C17orf75: variants seen among roughly 807,000 people sequenced by gnomAD.
C17orf75 encodes the protein protein Njmu-R1.
C17orf75 carries 32 observed loss-of-function variants against 49.6 expected under a neutral mutation model. The observed-to-expected ratio is 0.65, with a 90% CI of 0.49 to 0.87. The LOEUF (loss-of-function observed/expected upper bound fraction) is 0.87. Among genes scored for constraint, C17orf75 ranks in the 40% least tolerant of loss-of-function variants. The probability of loss-of-function intolerance (pLI) is 0.00; values close to 1 mark genes in which losing one functional copy is unlikely to be tolerated. For missense variants in C17orf75, 428 were observed against 473.9 expected, an observed-to-expected ratio of 0.90 and a Z score of 0.90; for synonymous variants, 158 against 159.5, an observed-to-expected ratio of 0.99 and a Z score of 0.07.
chr17:32,334,937 G>T, intron 6 of C17orf75, 98 bp from the exon 7 acceptor site: 1 of 938,682 alleles, frequency 1.1e-6, no homozygotes, highest in Non-Finnish European at 1.6e-6. Flanking sequence ...TACCACACTG[G>T]ACAACAATTG....
chr17:32,343,741 A>C, upstream of C17orf75: 1 of 611,864 alleles, frequency 1.6e-6, no homozygotes, highest in East Asian at 2.8e-5. Flanking sequence ...CAGTTTCCTT[A>C]TCTCTCATTT....
chr17:32,337,665 C>T (rs2041339061), intron 5 of C17orf75, among the ~76,000 whole-genome samples: 1 of 152,048 alleles, frequency 6.6e-6, no homozygotes, highest in Non-Finnish European at 1.5e-5. Flanking sequence ...CCTCTGCCTC[C>T]CGGGTTCAAG....
In C17orf75 at chr17:32,329,845, C is replaced by G. The variant is rs757333321; in HGVS notation, c.*1918G>C. 1 of 152,096 alleles carries G rather than the reference C, an allele frequency of 6.6e-6. No homozygotes were observed. Among genetic ancestry groups the G allele is most frequent in the Non-Finnish European group, 1.5e-5 (1 of 68,010 alleles). The allele number at this position is 152,096 out of a possible 1,614,324, so 9.4% of individuals were successfully genotyped here. A position where few individuals can be genotyped will look rare whatever the true frequency, so the allele number is the denominator to read the frequency against. On this transcript the variant is annotated 3_prime_UTR_variant, in exon 10 of 10. Transcript: ENST00000577809. ...AAATTGCTGGTTTTCCTTAGTCACCCTGACTTTATTTTTTTGAGACAGAGT... is the reference window on the plus strand; with the variant it reads ...AAATTGCTGGTTTTCCTTAGTCACCGTGACTTTATTTTTTTGAGACAGAGT...
Position 32,337,982 on chromosome 17 carries a change from T to C in C17orf75, c.492-28A>G, listed in dbSNP as rs762685761. On this transcript the variant is annotated intron_variant, in intron 4 of 9. Transcript: ENST00000577809. ...ATGTTCTTAAGGAAGCAATAAAGGA[T>C]GAATAATGAAGACAGTATTTCATCT... The C allele has an allele frequency of 1.4e-5, 22 of 1,578,210 alleles. No individual in the cohort carries two copies. The Admixed American group carries it at 1.8e-4, about 13-fold the overall frequency.
upstream of C17orf75, chr17:32,344,129 C>T (rs981378846): frequency 1.8e-6 from 1 of 543,672 alleles, no homozygotes; most frequent in African/African-American, 1.9e-5. Flanking sequence ...CTTCATTTGC[C>T]CAGACTGAAA....
At chr17:32,340,027 CTCTTT>C in intron 2 of C17orf75, 89 bp from the exon 3 acceptor site, 1 of 1,498,320 alleles carries the variant, frequency 6.7e-7, no homozygotes, top group Non-Finnish European at 9.0e-7. Flanking sequence ...ACGCCAGGGG[CTCTTT>C]TAAGGACTGG....
At chr17:32,336,369 A>T (rs973902391) in intron 5 of C17orf75, among the ~76,000 whole-genome samples, 15 of 152,062 alleles carry the variant, frequency 9.9e-5, no homozygotes, top group Non-Finnish European at 2.9e-5. Context: ...GCGTGCCACC[A>T]TGCCTGGCTA....
upstream of C17orf75, chr17:32,343,561 C>T: frequency 2.9e-6 from 1 of 348,034 alleles, no homozygotes; most frequent in South Asian, 6.2e-5. Flanking sequence ...CAAATTGCCT[C>T]TCCATATCAA....
upstream of C17orf75, among the ~76,000 whole-genome samples, chr17:32,346,501 C>T (rs1239854018): frequency 1.3e-5 from 2 of 152,232 alleles, no homozygotes; most frequent in Non-Finnish European, 2.9e-5. Context: ...ATTCTCCCAC[C>T]TCAGCCTCCC....
intron 8 of C17orf75, among the ~76,000 whole-genome samples, 167 bp downstream of exon 8, chr17:32,334,301 TC>T (rs1490598234): frequency 1.3e-5 from 2 of 152,220 alleles, no homozygotes; most frequent in Non-Finnish European, 2.9e-5. Context: ...TGGCATGATT[TC>T]CATGTTTCTA....
intron 5 of C17orf75, among the ~76,000 whole-genome samples, chr17:32,336,562 A>G (rs1164677970): frequency 6.6e-6 from 1 of 152,232 alleles, no homozygotes; most frequent in Non-Finnish European, 1.5e-5. Context: ...CTAATTCATA[A>G]AAGATCAATT....
chr17:32,335,347 T>C lies in C17orf75; in HGVS notation c.645A>G (p.Glu215=). The change falls in exon 6 of 10, where the codon GAA becomes GAG. Residue 215 remains glutamate, a synonymous_variant. Coordinates refer to ENST00000577809, the MANE Select transcript of C17orf75 (RefSeq NM_022344.4). ...CAGCATGTAGCAGAAAGGTAAGCTT[T>C]TCCTGAAAGAGAAGAACAACCCTTT... ...PIQRVVLLFQ[E]KLTFLLHAAL... 6.2e-7 allele frequency: 1 copy of C among 1,613,926 alleles called. No individual in the cohort carries two copies. The highest frequency in any genetic ancestry group is 8.5e-7 in the Non-Finnish European group (1 of 1,179,832).
Position 32,341,289 on chromosome 17 carries a change from A to C in C17orf75, c.141-5T>G, listed in dbSNP as rs1271711485. The C allele has an allele frequency of 2.5e-6, 4 of 1,613,740 alleles. No homozygotes were observed. In the African/African-American group the frequency reaches 4.0e-5, roughly 16 times the overall value. ...TCCCCTCGTTGCTGTGCCAATCTAC[A>C]AGCCACAAAACCAATAGTGCTATCA... On this transcript the variant is annotated splice_polypyrimidine_tract_variant and splice_region_variant and intron_variant, in intron 1 of 9. Coordinates refer to ENST00000577809, the MANE Select transcript of C17orf75 (RefSeq NM_022344.4).
intron 6 of C17orf75, 130 bp from the exon 7 acceptor site, chr17:32,334,969 T>A: frequency 1.4e-6 from 1 of 729,264 alleles, no homozygotes; most frequent in Non-Finnish European, 2.2e-6. Flanking sequence ...TCACAAGCTC[T>A]CCAGAGCCTT....
At position 32,334,727 on chromosome 17, in the gene C17orf75, C is replaced by A; in HGVS notation, c.734+48G>T. ...AGGAGCAGTTTACAAACACAGATGTCAATCTTGCTGTGGAAAAGCTTTTCT... is the reference window on the plus strand; with the variant it reads ...AGGAGCAGTTTACAAACACAGATGTAAATCTTGCTGTGGAAAAGCTTTTCT... On this transcript the variant is annotated intron_variant, in intron 7 of 9. Transcript: ENST00000577809. 3 of 1,567,106 alleles carry A rather than the reference C, an allele frequency of 1.9e-6. No homozygotes were observed. In the South Asian group the frequency reaches 3.5e-5, roughly 18 times the overall value.
chr17:32,332,761 G>A (rs1316652984), intron 9 of C17orf75, among the ~76,000 whole-genome samples: 1 of 152,054 alleles, frequency 6.6e-6, no homozygotes, highest in Non-Finnish European at 1.5e-5. Context: ...GTAAGATTCT[G>A]TCTCTTAAAA....
At chr17:32,332,040 A>G in intron 9 of C17orf75, 62 bp from the exon 10 acceptor site, 1 of 1,361,242 alleles carries the variant, frequency 7.3e-7, no homozygotes, top group South Asian at 1.3e-5. Flanking sequence ...CTCAAAAAAT[A>G]ACTCCTATCC....
At chr17:32,344,590 C>CAAAA (rs35084298), upstream of C17orf75, among the ~76,000 whole-genome samples, 5 of 82,078 alleles carry the variant, frequency 6.1e-5, no homozygotes, top group Non-Finnish European at 4.9e-5. Flanking sequence ...GACTCTGTCT[C>CAAAA]AAAAAAAAAA....
rs1410734535 is a variant in C17orf75, at chr17:32,335,588, AATTGTGATATACC to A, written c.550-159_550-147del. On this transcript the variant is annotated intron_variant, in intron 5 of 9. Transcript: ENST00000577809. Reference sequence around the variant, plus strand: ...CTAACACCACCAATTCAAAAAAAGAAATTGTGATATACCTTTCCTGGCTTGTTGGGCAGGGTGA... The same window carrying A: ...CTAACACCACCAATTCAAAAAAAGAATTTCCTGGCTTGTTGGGCAGGGTGA... 1.3e-4 allele frequency: 133 copies of A among 990,232 alleles called. No homozygotes were observed. The African/African-American group carries it at 1.9e-3, about 14-fold the overall frequency. The allele number at this position is 990,232 out of a possible 1,614,324, so 61.3% of individuals were successfully genotyped here.
Sources: gnomAD v4.1 joint callset for allele counts (sites outside exome capture counted in the v4.1 genomes callset) on GRCh38, gnomAD v4.1.1 for gene constraint, MANE v1.5 for transcripts, NCBI Gene and HGNC (gene_info 2026-07-23, HGNC 2026-07-21) for gene names.